SSTR5: variants seen among roughly 807,000 people sequenced by gnomAD.
SSTR5 encodes somatostatin receptor 5.
In SSTR5, 1 loss-of-function variant was observed where a neutral mutation model predicts 0.3. That is an observed-to-expected ratio of 2.98 (90% CI 1.06 to 14.15). The LOEUF (loss-of-function observed/expected upper bound fraction) is 14.15. SSTR5 is among the 30% of genes most tolerant of loss of function. SSTR5 has a pLI of 0.12. For missense variants in SSTR5, 516 were observed against 543.2 expected (o/e 0.95, Z 0.50); for synonymous variants, 256 against 263.1 (o/e 0.97, Z 0.26).
Position 1,081,372 on chromosome 16 carries a change from G to A in SSTR5, c.*1409G>A, listed in dbSNP as rs969558449. On this transcript the variant is annotated 3_prime_UTR_variant, in exon 2 of 2. Coordinates refer to ENST00000689027, the MANE Select transcript of SSTR5 (RefSeq NM_001172560.3). Reference sequence around the variant, plus strand: ...CTGGCAGGAGAAAGGCCCAGGCTGAGGCCAGGCCTGGGAAACATCCAAGCA... The same window carrying A: ...CTGGCAGGAGAAAGGCCCAGGCTGAAGCCAGGCCTGGGAAACATCCAAGCA... 2.6e-5 allele frequency among the ~76,000 whole-genome samples: 4 copies of A among 152,240 alleles called. No homozygotes were observed. Among genetic ancestry groups the A allele is most frequent in the Non-Finnish European group, 5.9e-5 (4 of 68,036 alleles).
Position 1,080,077 on chromosome 16 carries a change from A to G in SSTR5, c.*114A>G. ...GATGCTCCCCGGCGGTGGTGTGAGG[A>G]CAGAGCTGGCTGAAGCCAGGCTGGG... On this transcript the variant is annotated 3_prime_UTR_variant, in exon 2 of 2. Transcript: ENST00000689027. 7.2e-7 allele frequency: 1 copy of G among 1,394,088 alleles called. No individual in the cohort carries two copies. The highest frequency in any genetic ancestry group is 9.6e-7 in the Non-Finnish European group (1 of 1,045,210). 86.4% of individuals were successfully genotyped at this position (1,394,088 alleles called of 1,614,324 possible). A position where few individuals can be genotyped will look rare whatever the true frequency, so the allele number is the denominator to read the frequency against.
chr16:1,081,268 A>C lies in SSTR5; in HGVS notation c.*1305A>C, dbSNP rs559432308. 3.3e-4 allele frequency: 126 copies of C among 376,752 alleles called. 1 individual carries two copies. The highest frequency in any genetic ancestry group is 2.5e-3 in the African/African-American group (118 of 46,954). 23.3% of individuals were successfully genotyped at this position (376,752 alleles called of 1,614,324 possible). A position where few individuals can be genotyped will look rare whatever the true frequency, so the allele number is the denominator to read the frequency against. On this transcript the variant is annotated 3_prime_UTR_variant, in exon 2 of 2. Coordinates refer to ENST00000689027, the MANE Select transcript of SSTR5 (RefSeq NM_001172560.3). Reference sequence around the variant, plus strand: ...TCTGCCCTGCCCAGCACTGGCCCCGACCCGTGCTCCCGCCGTCTGCCCAGA... The same window carrying C: ...TCTGCCCTGCCCAGCACTGGCCCCGCCCCGTGCTCCCGCCGTCTGCCCAGA...
At position 1,080,353 on chromosome 16, in the gene SSTR5, G is replaced by A. The variant is rs367829067; in HGVS notation, c.*390G>A. Reference sequence around the variant, plus strand: ...TCCTGACGGCGGAGCTGACCTGCCCGGCCCACCAGCTGCATGTCAGCTCCG... The same window carrying A: ...TCCTGACGGCGGAGCTGACCTGCCCAGCCCACCAGCTGCATGTCAGCTCCG... On this transcript the variant is annotated 3_prime_UTR_variant, in exon 2 of 2. Coordinates refer to ENST00000689027, the MANE Select transcript of SSTR5 (RefSeq NM_001172560.3). 1.2e-4 allele frequency among the ~76,000 whole-genome samples: 19 copies of A among 152,344 alleles called. 1 individual carries two copies. Among genetic ancestry groups the A allele is most frequent in the East Asian group, 3.9e-4 (2 of 5,178 alleles).
rs1254975962 is a variant in SSTR5 at position 1,080,851 on chromosome 16, G to T, written c.*888G>T. On this transcript the variant is annotated 3_prime_UTR_variant, in exon 2 of 2. Transcript: ENST00000689027. ...AGGGAGAGGTGCTCCTGCTGCAGGA[G>T]GACCTGAGGGTCAGGGCTTGGAGAG... Among the ~76,000 whole-genome samples the T allele has an allele frequency of 1.3e-5, 2 of 152,150 alleles. No homozygotes were observed. Among genetic ancestry groups the T allele is most frequent in the African/African-American group, 2.4e-5 (1 of 41,426 alleles).
At chr16:1,075,981 CTCCTCCCCCTCCCTCTCCCCCCACCTTTT>C (rs1960190532) in intron 1 of SSTR5, among the ~76,000 whole-genome samples, 2 of 1,082 alleles carry the variant, frequency 1.8e-3, no homozygotes. Context: ...CTCCCTCCCC[CTCCTCCCCCTCCCTCTCCCCCCACCTTTT>C]CTCTCTCCCT....
At chr16:1,075,333 G>C (rs1426437629) in intron 1 of SSTR5, among the ~76,000 whole-genome samples, 1 of 152,132 alleles carries the variant, frequency 6.6e-6, no homozygotes, top group Non-Finnish European at 1.5e-5. Flanking sequence ...GAACCCTGAG[G>C]CTCCTCTGAA....
chr16:1,076,986 A>G (rs1279077587), intron 1 of SSTR5, among the ~76,000 whole-genome samples: 1 of 152,156 alleles, frequency 6.6e-6, no homozygotes, highest in Non-Finnish European at 1.5e-5. Context: ...TGTTTGGGCC[A>G]TGCGAGCTTG....
At position 1,075,011 on chromosome 16, in the gene SSTR5, G is replaced by T. The variant is rs562830024; in HGVS notation, c.-28+2189G>T. Among the ~76,000 whole-genome samples, 7 of 152,268 alleles carry T rather than the reference G, an allele frequency of 4.6e-5. No individual in the cohort carries two copies. In the East Asian group the frequency reaches 1.4e-3, roughly 29 times the overall value. On this transcript the variant is annotated intron_variant, in intron 1 of 1. Transcript: ENST00000689027. ...TGTCAGGCTGAGCAGATCCCTTCGT[G>T]GCCGAGGGCTCGGGATCAGAAAGCT... is the stretch of plus-strand genomic sequence containing the variant.
chr16:1,078,852 A>G lies in SSTR5; in HGVS notation c.-17A>G. On this transcript the variant is annotated 5_prime_UTR_variant, in exon 2 of 2. Coordinates refer to ENST00000689027, the MANE Select transcript of SSTR5 (RefSeq NM_001172560.3). ...CTTCTTCTCTTGCAGAGCCTGACGC[A>G]CCCCAGGGCTGCCGCCATGGAGCCC... 6.2e-7 allele frequency: 1 copy of G among 1,602,472 alleles called. No individual in the cohort carries two copies. Among genetic ancestry groups the G allele is most frequent in the Non-Finnish European group, 8.5e-7 (1 of 1,179,048 alleles).
chr16:1,074,122 A>T (rs890272855), intron 1 of SSTR5, among the ~76,000 whole-genome samples: 4 of 152,208 alleles, frequency 2.6e-5, no homozygotes, highest in Non-Finnish European at 4.4e-5. Flanking sequence ...CCAAGGGGGC[A>T]GTGGCCTGCC....
rs753466942 is a variant in SSTR5, at chr16:1,079,229, G to A, written c.361G>A (p.Val121Ile). 126 of 1,612,344 alleles carry A rather than the reference G, an allele frequency of 7.8e-5. No individual in the cohort carries two copies. The highest frequency in any genetic ancestry group is 9.7e-5 in the Non-Finnish European group (115 of 1,179,904). ...LCRLVMTLDG[V>I]NQFTSVFCLT... Reference sequence around the variant, plus strand: ...CCGCCTGGTCATGACGCTGGACGGCGTCAACCAGTTCACCAGTGTCTTCTG... The same window carrying A: ...CCGCCTGGTCATGACGCTGGACGGCATCAACCAGTTCACCAGTGTCTTCTG... The change falls in exon 2 of 2, where the codon GTC becomes ATC. Residue 121 changes from valine to isoleucine, a missense_variant. Val to Ile is a conservative substitution (Grantham distance 29). Coordinates refer to ENST00000689027, the MANE Select transcript of SSTR5 (RefSeq NM_001172560.3).
chr16:1,075,708 C>T (rs1215584805), intron 1 of SSTR5, among the ~76,000 whole-genome samples: 1 of 151,886 alleles, frequency 6.6e-6, no homozygotes, highest in East Asian at 1.9e-4. Flanking sequence ...TGGACTCCCA[C>T]GCAGCCCGCG....
chr16:1,079,503 C>A lies in SSTR5; in HGVS notation c.635C>A (p.Ala212Glu). ...IIYTAVLGFFAPLLVICLCYL... is the reference protein window; with the variant it reads ...IIYTAVLGFFEPLLVICLCYL... ...TACACGGCCGTGCTGGGCTTCTTCG[C>A]GCCGCTGCTGGTCATCTGCCTGTGC... The change falls in exon 2 of 2, where the codon GCG becomes GAG. Residue 212 changes from alanine (A) to glutamate (E), a missense_variant. Physicochemically the swap from Ala to Glu is moderately radical, Grantham distance 107. Transcript: ENST00000689027. 1 of 1,611,872 alleles carries A rather than the reference C, an allele frequency of 6.2e-7. No individual in the cohort carries two copies. The highest frequency in any genetic ancestry group is 8.5e-7 in the Non-Finnish European group (1 of 1,179,408).
chr16:1,076,731 T>TC (rs397689420), intron 1 of SSTR5, among the ~76,000 whole-genome samples: 2 of 151,934 alleles, frequency 1.3e-5, no homozygotes, highest in Admixed American at 6.6e-5. Flanking sequence ...AGTGTTTTTT[T>TC]CCACTTAAAT....
At position 1,079,289 on chromosome 16, in the gene SSTR5, G is replaced by A. The variant is rs1022235386; in HGVS notation, c.421G>A (p.Val141Met). 1 of 1,611,572 alleles carries A rather than the reference G, an allele frequency of 6.2e-7. No individual in the cohort carries two copies. The highest frequency in any genetic ancestry group is 1.3e-5 in the African/African-American group (1 of 75,044). ...CATGAGCGTGGACCGCTACCTGGCAGTGGTGCACCCGCTGAGCTCGGCCCG... is the reference window on the plus strand; with the variant it reads ...CATGAGCGTGGACCGCTACCTGGCAATGGTGCACCCGCTGAGCTCGGCCCG... ...TVMSVDRYLA[V>M]VHPLSSARWR... The change falls in exon 2 of 2, where the codon GTG (valine) becomes ATG (methionine). Residue 141 changes from valine (V) to methionine (M), a missense_variant. Coordinates refer to ENST00000689027, the MANE Select transcript of SSTR5 (RefSeq NM_001172560.3).
chr16:1,078,978 G>C lies in SSTR5; in HGVS notation c.110G>C (p.Gly37Ala). 6.3e-7 allele frequency: 1 copy of C among 1,587,888 alleles called. No homozygotes were observed. ...CTGGTGGGGCCGGCGCCCTCGGCAG[G>C]GGCCCGGGCGGTGCTGGTGCCCGTG... ...RTLVGPAPSA[G>A]ARAVLVPVLY... is the part of the protein sequence containing the mutation. Residue 37 changes from glycine (G) to alanine (A), a missense_variant, in exon 2 of 2, where the codon GGG becomes GCG. Gly to Ala is a moderately conservative substitution (Grantham distance 60). Coordinates refer to ENST00000689027, the MANE Select transcript of SSTR5 (RefSeq NM_001172560.3).
chr16:1,079,564 C>A lies in SSTR5; in HGVS notation c.696C>A (p.Gly232=), dbSNP rs778023545. ...TCGTGGTGAAGGTGAGGGCGGCGGG[C>A]GTGCGCGTGGGCTGCGTGCGGCGGC... ...LLIVVKVRAA[G]VRVGCVRRRS... The change falls in exon 2 of 2, where the codon GGC becomes GGA. Residue 232 remains glycine, a synonymous_variant. Coordinates refer to ENST00000689027, the MANE Select transcript of SSTR5 (RefSeq NM_001172560.3). The A allele has an allele frequency of 1.2e-6, 2 of 1,611,422 alleles. No individual in the cohort carries two copies. The highest frequency in any genetic ancestry group is 1.1e-5 in the South Asian group (1 of 90,968).
At position 1,072,749 on chromosome 16, in the gene SSTR5, C is replaced by A. The variant is rs1283372229; in HGVS notation, c.-101C>A. Among the ~76,000 whole-genome samples the A allele has an allele frequency of 6.7e-6, 1 of 150,300 alleles. No individual in the cohort carries two copies. The highest frequency in any genetic ancestry group is 1.5e-5 in the Non-Finnish European group (1 of 67,366). ...CCCGCCCCGCCCCGCCCCCTCCCAG[C>A]CGGCGCCCGGGAGCCCGGAGCCAGT... On this transcript the variant is annotated 5_prime_UTR_variant, in exon 1 of 2. Transcript: ENST00000689027.
At chr16:1,075,071 C>T (rs889329854) in intron 1 of SSTR5, among the ~76,000 whole-genome samples, 1 of 152,180 alleles carries the variant, frequency 6.6e-6, no homozygotes, top group African/African-American at 2.4e-5. Context: ...GAATCCCCCA[C>T]CCACAAGGGA....
Sources: allele counts gnomAD v4.1 joint callset (sites outside exome capture counted in the v4.1 genomes callset), GRCh38; gene constraint gnomAD v4.1.1; transcripts MANE v1.5; gene names NCBI Gene and HGNC (gene_info 2026-07-23, HGNC 2026-07-21).